The following MACF1 variants were observed in gnomAD, a reference collection of about 807,000 sequenced individuals.
The protein encoded by MACF1 is microtubule-actin cross-linking factor 1.
In MACF1, 193 loss-of-function variants were observed where a neutral mutation model predicts 854.8. That is an observed-to-expected ratio of 0.23 (90% CI 0.20 to 0.25). The LOEUF is 0.25. Among genes scored for constraint, MACF1 ranks in the 10% least tolerant of loss-of-function variants. MACF1 has a pLI of 1.00. For missense variants in MACF1, 7,722 were observed against 8,929.1 expected (o/e 0.86, Z 5.45); for synonymous variants, 3,185 against 3,226.7 (o/e 0.99, Z 0.44).
At chr1:39,274,119 C>T (rs1156444667) in intron 6 of MACF1, among the ~76,000 whole-genome samples, 4 of 151,978 alleles carry the variant, frequency 2.6e-5, no homozygotes, top group Non-Finnish European at 1.5e-5. Context: ...ATGGTTGAAA[C>T]TGGGTAATAG....
intron 99 of MACF1, among the ~76,000 whole-genome samples, chr1:39,481,488 G>A (rs1307722115): frequency 6.6e-6 from 1 of 152,174 alleles, no homozygotes; most frequent in Non-Finnish European, 1.5e-5. Flanking sequence ...AGGGTGGTTG[G>A]TATTGCCACA....
chr1:39,374,837 G>T (rs7536582), intron 52 of MACF1, among the ~76,000 whole-genome samples: 1 of 152,030 alleles, frequency 6.6e-6, no homozygotes, highest in Admixed American at 6.6e-5. Context: ...GCTGCCGGGC[G>T]CAGTGGCTCA....
At chr1:39,269,556 G>A in intron 6 of MACF1, 14 of 1,289,812 alleles carry the variant, frequency 1.1e-5, no homozygotes, top group Non-Finnish European at 1.4e-5. Context: ...TGGTGTGACT[G>A]TGAGCATTTT....
chr1:39,212,304 T>C (rs1239515307), intron 1 of MACF1, among the ~76,000 whole-genome samples: 1 of 152,180 alleles, frequency 6.6e-6, no homozygotes, highest in Non-Finnish European at 1.5e-5. Flanking sequence ...AGTCCTCTCC[T>C]CCATTGCAGC....
intron 89 of MACF1, among the ~76,000 whole-genome samples, chr1:39,456,105 G>A (rs1644432960): frequency 6.6e-6 from 1 of 152,124 alleles, no homozygotes; most frequent in Admixed American, 6.5e-5. Flanking sequence ...AGGCCAAGGG[G>A]GGCAGATCAC....
intron 2 of MACF1, among the ~76,000 whole-genome samples, chr1:39,172,025 A>T (rs1643956634): frequency 6.6e-6 from 1 of 152,212 alleles, no homozygotes; most frequent in African/African-American, 2.4e-5. Flanking sequence ...ATTATTTTTT[A>T]AAATGCTACG....
At chr1:39,414,157 G>A (rs1238175231) in intron 58 of MACF1, 7 of 1,611,604 alleles carry the variant, frequency 4.3e-6, no homozygotes, top group East Asian at 4.5e-5. Context: ...CTCCCCAGCA[G>A]CAGCAGTGCC....
At chr1:39,196,454 G>A (rs564769166) in intron 2 of MACF1, among the ~76,000 whole-genome samples, 46 of 152,282 alleles carry the variant, frequency 3.0e-4, no homozygotes, top group African/African-American at 1.1e-3. Context: ...CCTGTCTTCA[G>A]TTAGATGCCT....
chr1:39,379,624 T>C (rs79522721), intron 54 of MACF1, among the ~76,000 whole-genome samples, 180 bp downstream of exon 54: 2 of 152,190 alleles, frequency 1.3e-5, no homozygotes, highest in Non-Finnish European at 2.9e-5. Flanking sequence ...AATTTTCTTA[T>C]GAAATTAGAA....
chr1:39,286,170 T>C (rs1197529873), intron 14 of MACF1, among the ~76,000 whole-genome samples: 1 of 152,018 alleles, frequency 6.6e-6, no homozygotes, highest in East Asian at 1.9e-4. Context: ...CAGGCTGCCA[T>C]GCCCAGCTAA....
rs565682047 is a variant in MACF1 at position 39,248,744 on chromosome 1, T to C, written c.172-1270T>C. On this transcript the variant is annotated intron_variant, in intron 2 of 100. Coordinates refer to ENST00000564288, the MANE Select transcript of MACF1 (RefSeq NM_001394062.1). The stretch of plus-strand genomic sequence containing the variant: ...TGTGTTGTGAACATCACCTTTTTTT[T>C]CGAGACAGAGTCTTGTTCTGTCGCC... 7.2e-5 allele frequency among the ~76,000 whole-genome samples: 11 copies of C among 152,320 alleles called. No individual in the cohort carries two copies. In the South Asian group the frequency reaches 1.0e-3, roughly 14 times the overall value.
At chr1:39,330,695 C>G (rs1028173215) in intron 36 of MACF1, among the ~76,000 whole-genome samples, 3 of 152,078 alleles carry the variant, frequency 2.0e-5, no homozygotes, top group Middle Eastern at 3.4e-3. Context: ...TAGAAAAACT[C>G]TTTTTTAGTC....
At chr1:39,459,679 A>G in intron 91 of MACF1, 1 of 380,202 alleles carries the variant, frequency 2.6e-6, no homozygotes, top group South Asian at 3.0e-5. Flanking sequence ...TGATTTTGTT[A>G]TTAGTCTTCA....
In MACF1 at chr1:39,453,860, T is replaced by C; in HGVS notation, c.20886+10T>C. 1 of 1,614,156 alleles carries C rather than the reference T, an allele frequency of 6.2e-7. No homozygotes were observed. Among genetic ancestry groups the C allele is most frequent in the South Asian group, 1.1e-5 (1 of 91,084 alleles). On this transcript the variant is annotated intron_variant, in intron 88 of 100. Coordinates refer to ENST00000564288, the MANE Select transcript of MACF1 (RefSeq NM_001394062.1). ...AGCTCGCTTCGAGGAGGTGAGTCCC[T>C]GGTTCAGAGGAGGACTGCACACGCC...
At position 39,291,890 on chromosome 1, in the gene MACF1, A is replaced by C; in HGVS notation, c.1786-20A>C. On this transcript the variant is annotated intron_variant, in intron 15 of 100. Transcript: ENST00000564288. The stretch of plus-strand genomic sequence containing the variant: ...AAGCCAGCAGTAAATTATGTCATAT[A>C]TATATTTTTTCTTTTTCAGATGAAA... 1 of 1,608,526 alleles carries C rather than the reference A, an allele frequency of 6.2e-7. No individual in the cohort carries two copies. The highest frequency in any genetic ancestry group is 1.1e-5 in the South Asian group (1 of 90,754).
chr1:39,342,934 A>G (rs1169131444), intron 40 of MACF1, among the ~76,000 whole-genome samples: 1 of 152,242 alleles, frequency 6.6e-6, no homozygotes. Flanking sequence ...TAAATAGTAC[A>G]TAAACAAATG....
chr1:39,184,141 G>A (rs1644138478), intron 2 of MACF1, among the ~76,000 whole-genome samples: 1 of 152,170 alleles, frequency 6.6e-6, no homozygotes, highest in African/African-American at 2.4e-5. Flanking sequence ...TGTGGGCAGT[G>A]CTGTTCATGT....
chr1:39,364,258 T>G (rs1648474562), intron 49 of MACF1, among the ~76,000 whole-genome samples: 1 of 152,200 alleles, frequency 6.6e-6, no homozygotes, highest in African/African-American at 2.4e-5. Flanking sequence ...TTTATTTCTC[T>G]TATGAGCGAG....
intron 6 of MACF1, among the ~76,000 whole-genome samples, chr1:39,264,678 T>C (rs1645209589): frequency 6.8e-6 from 1 of 147,444 alleles, no homozygotes; most frequent in Non-Finnish European, 1.5e-5. Flanking sequence ...TTTTTTTTTT[T>C]TTTTTTGAGA....
Sources: allele counts gnomAD v4.1 joint callset (sites outside exome capture counted in the v4.1 genomes callset), GRCh38; gene constraint gnomAD v4.1.1; transcripts MANE v1.5; gene names NCBI Gene and HGNC (gene_info 2026-07-23, HGNC 2026-07-21).